Variants in BCCIP observed in about 807,000 individuals in gnomAD.
BCCIP encodes BRCA2 and CDKN1A-interacting protein.
BCCIP carries 23 observed loss-of-function variants against 32.8 expected under a neutral mutation model. The observed-to-expected ratio is 0.70, with a 90% CI of 0.51 to 0.99. The LOEUF (loss-of-function observed/expected upper bound fraction) is 0.99. BCCIP is among the 50% of genes least tolerant of loss of function. BCCIP has a pLI of 0.00. For missense variants in BCCIP, 378 were observed against 379.8 expected (o/e 1.00, Z 0.04); for synonymous variants, 144 against 137.6 (o/e 1.05, Z -0.33).
chr10:125,836,189 T>C lies in BCCIP; in HGVS notation c.860T>C (p.Met287Thr), dbSNP rs1235857456. ...GGKWSFDDVPMTPLRTVMLIP... is the reference protein window; with the variant it reads ...GGKWSFDDVPTTPLRTVMLIP... ...AAATGGTCTTTTGATGACGTACCAA[T>C]GACGCCCTTGCGAACTGTGATGTTA... Residue 287 changes from methionine to threonine, a missense_variant, in exon 7 of 7, where the codon ATG becomes ACG. Transcript: ENST00000278100. 8 of 1,614,240 alleles carry C rather than the reference T, an allele frequency of 5.0e-6. No homozygotes were observed. Among genetic ancestry groups the C allele is most frequent in the South Asian group, 1.1e-5 (1 of 91,090 alleles).
At chr10:125,838,879 A>G, downstream of BCCIP, 1 of 1,165,186 alleles carries the variant, frequency 8.6e-7, no homozygotes, top group Non-Finnish European at 1.2e-6. Flanking sequence ...ATCTTTAATA[A>G]TAACATGGAT....
rs79605161 is a variant in BCCIP at position 125,825,966 on chromosome 10, C to T, written c.166-625C>T. The T allele has an allele frequency of 1.7e-3, 266 of 153,748 alleles. 3 individuals are homozygous for T. In the South Asian group the frequency reaches 0.026, roughly 15 times the overall value. The allele number at this position is 153,748 out of a possible 1,614,324, so 9.5% of individuals were successfully genotyped here. On this transcript the variant is annotated intron_variant, in intron 1 of 6. Transcript: ENST00000278100. ...CTTAGGGCCTTAGTTTGTGCTGTTC[C>T]CTGTACCAGGAACTCTCTTTGCTGT...
chr10:125,833,736 C>G, intron 5 of BCCIP, 36 bp from the exon 6 acceptor site: 5 of 1,608,782 alleles, frequency 3.1e-6, no homozygotes, highest in Non-Finnish European at 4.2e-6. Context: ...TCACTTGACC[C>G]AGCAGGTAAA....
exon 8 of BCCIP, chr10:125,853,345 A>G: frequency 1.6e-6 from 1 of 610,460 alleles, no homozygotes; most frequent in African/African-American, 1.9e-5. Flanking sequence ...TTCGTTTGAG[A>G]TCTCAAATGT....
In BCCIP at chr10:125,823,621, G is replaced by C; in HGVS notation, c.64G>C (p.Val22Leu). 6.2e-7 allele frequency: 1 copy of C among 1,614,138 alleles called. No homozygotes were observed. Residue 22 changes from valine to leucine, a missense_variant, in exon 1 of 7, where the codon GTC (valine) becomes CTC (leucine). Physicochemically the swap from Val to Leu is conservative, Grantham distance 32 (BLOSUM62 1). Coordinates refer to ENST00000278100, the MANE Select transcript of BCCIP (RefSeq NM_078468.3). ...GGTTCCGCAGCCGCCGGATCCCCCA[G>C]TCCAGCGCGACGAGGAAGAGGAAAA... ...SGVPQPPDPP[V>L]QRDEEEEKEV...
intron 7 of BCCIP, among the ~76,000 whole-genome samples, chr10:125,850,057 C>G (rs1175441047): frequency 1.3e-5 from 2 of 151,840 alleles, no homozygotes; most frequent in African/African-American, 4.8e-5. Context: ...ACCTTGAACC[C>G]TGGACTCAAG....
intron 3 of BCCIP, among the ~76,000 whole-genome samples, chr10:125,828,395 G>A (rs1331908356): frequency 5.3e-5 from 8 of 152,324 alleles, no homozygotes; most frequent in African/African-American, 1.9e-4. Flanking sequence ...GGTCGTAGAA[G>A]TGATTGAGAT....
At chr10:125,838,393 AG>A, downstream of BCCIP, 1 of 1,558,492 alleles carries the variant, frequency 6.4e-7, no homozygotes. Context: ...GCAATCTGAA[AG>A]GCAGAATTTT....
At chr10:125,851,175 T>C (rs1259241136) in intron 7 of BCCIP, among the ~76,000 whole-genome samples, 1 of 152,254 alleles carries the variant, frequency 6.6e-6, no homozygotes, top group Non-Finnish European at 1.5e-5. Context: ...ATTTCAATTA[T>C]AAGTTGAATT....
At position 125,823,610 on chromosome 10, in the gene BCCIP, C is replaced by T. The variant is rs113227232; in HGVS notation, c.53C>T (p.Pro18Leu). The stretch of plus-strand genomic sequence containing the variant: ...GTGGAAAGTGGGGTTCCGCAGCCGC[C>T]GGATCCCCCAGTCCAGCGCGACGAG... ...RAVESGVPQP[P>L]DPPVQRDEEE... Residue 18 changes from proline (P) to leucine (L), a missense_variant, in exon 1 of 7, where the codon CCG becomes CTG. By Grantham distance (98) the Pro-to-Leu change is moderately conservative (BLOSUM62 -3). Transcript: ENST00000278100. 219 of 1,614,072 alleles carry T rather than the reference C, an allele frequency of 1.4e-4. 1 individual carries two copies. The Middle Eastern group carries it at 1.8e-3, about 13-fold the overall frequency.
Position 125,831,480 on chromosome 10 carries a change from G to A in BCCIP, c.472G>A (p.Glu158Lys), listed in dbSNP as rs560582713. Residue 158 changes from glutamate (E) to lysine (K), a missense_variant, in exon 5 of 7, where the codon GAA becomes AAA. By Grantham distance (56) the Glu-to-Lys change is moderately conservative. Transcript: ENST00000278100. Reference sequence around the variant, plus strand: ...TCTACGCTTCTGTGAGAAGAACTGTGAAAAGAGCATGGTTGAACAGCTGGA... The same window carrying A: ...TCTACGCTTCTGTGAGAAGAACTGTAAAAAGAGCATGGTTGAACAGCTGGA... ...LVLRFCEKNC[E>K]KSMVEQLDKF... 121 of 1,614,178 alleles carry A rather than the reference G, an allele frequency of 7.5e-5. No homozygotes were observed. In the East Asian group the frequency reaches 2.5e-3, roughly 34 times the overall value.
At chr10:125,853,047 A>G (rs896975956) in intron 7 of BCCIP, 2 of 1,078,524 alleles carry the variant, frequency 1.9e-6, no homozygotes, top group East Asian at 4.9e-5. Flanking sequence ...TCTCACCTTT[A>G]CAACACATAC....
chr10:125,839,634 T>G (rs1328239855), downstream of BCCIP, among the ~76,000 whole-genome samples: 1 of 152,234 alleles, frequency 6.6e-6, no homozygotes, highest in Non-Finnish European at 1.5e-5. Flanking sequence ...TGAAAATATC[T>G]CATATTTTAT....
intron 4 of BCCIP, 128 bp from the exon 5 acceptor site, chr10:125,831,292 C>A: frequency 1.2e-6 from 1 of 809,626 alleles, no homozygotes; most frequent in Non-Finnish European, 2.0e-6. Flanking sequence ...TGAAGACATA[C>A]AAGACGTTAA....
chr10:125,845,557 T>C (rs1944006997), downstream of BCCIP, among the ~76,000 whole-genome samples: 1 of 152,174 alleles, frequency 6.6e-6, no homozygotes, highest in Non-Finnish European at 1.5e-5. Flanking sequence ...TGGTAACCAG[T>C]CCCCAAAGCC....
At chr10:125,846,675 C>T (rs145499291), downstream of BCCIP, among the ~76,000 whole-genome samples, 277 of 152,296 alleles carry the variant, frequency 1.8e-3, 1 homozygote, top group Non-Finnish European at 2.8e-3. Flanking sequence ...AGGAACTGTA[C>T]CTTCACTTCC....
downstream of BCCIP, chr10:125,841,226 T>C (rs1161444084): frequency 2.5e-6 from 4 of 1,601,780 alleles, no homozygotes; most frequent in Middle Eastern, 1.7e-4. Context: ...CAACTGAATA[T>C]GGTTAATATC....
intron 4 of BCCIP, 59 bp from the exon 5 acceptor site, chr10:125,831,361 G>T: frequency 6.5e-7 from 1 of 1,530,622 alleles, no homozygotes; most frequent in South Asian, 1.2e-5. Flanking sequence ...TTTACTCTCA[G>T]GTTTTGTCCT....
At chr10:125,827,443 C>T (rs3740207) in intron 2 of BCCIP, 115 bp from the exon 3 acceptor site, 3 of 672,760 alleles carry the variant, frequency 4.5e-6, no homozygotes, top group South Asian at 2.4e-5. Flanking sequence ...GGTTGCTTTT[C>T]TAGATCATCA....
Sources: allele counts gnomAD v4.1 joint callset (sites outside exome capture counted in the v4.1 genomes callset), GRCh38; gene constraint gnomAD v4.1.1; transcripts MANE v1.5; gene names NCBI Gene and HGNC (gene_info 2026-07-23, HGNC 2026-07-21).